Variants in RBFOX3 observed in about 807,000 individuals in gnomAD.
RBFOX3 encodes the protein RNA binding fox-1 homolog 3.
In RBFOX3, 17 loss-of-function variants were observed where a neutral mutation model predicts 48.7. The ratio of observed to expected loss-of-function variants is 0.35; its 90% CI spans 0.24 to 0.52. RBFOX3 has a LOEUF of 0.52. Ranked by LOEUF, RBFOX3 falls within the 20% of genes least tolerant of loss-of-function variation. The pLI is 0.94. For missense variants in RBFOX3, 382 were observed against 497.5 expected (o/e 0.77, Z 2.21); for synonymous variants, 212 against 209.5 (o/e 1.01, Z -0.10).
the RBFOX3 span, among the ~76,000 whole-genome samples, chr17:79,620,204 C>G: frequency 1.2e-3 from 174 of 148,756 alleles, 2 homozygotes; most frequent in African/African-American, 3.8e-3. Flanking sequence ...CACACACGTG[C>G]ACATGCACAC....
intron 9 of RBFOX3, chr17:79,100,514 G>T (rs991372392): frequency 6.6e-6 from 1 of 152,224 alleles, no homozygotes; most frequent in African/African-American, 2.4e-5. Context: ...AAGAGCTCGG[G>T]GGAGAGGTGG....
At chr17:79,449,622 A>AACACACACACACACACACAC (rs57480439) in intron 2 of RBFOX3, among the ~76,000 whole-genome samples, 7,174 of 144,508 alleles carry the variant, frequency 0.05, 240 homozygotes, top group South Asian at 0.079. Context: ...TGCACACATA[A>AACACACACACACACACACAC]ACACACACAC....
chr17:79,317,074 G>T (rs1293394189), intron 2 of RBFOX3, among the ~76,000 whole-genome samples: 1 of 152,130 alleles, frequency 6.6e-6, no homozygotes, highest in Admixed American at 6.5e-5. Flanking sequence ...AGACCGACAA[G>T]GAGCTGGCAT....
intron 3 of RBFOX3, among the ~76,000 whole-genome samples, chr17:79,246,103 C>G (rs578043915): frequency 6.6e-6 from 1 of 152,254 alleles, no homozygotes; most frequent in South Asian, 2.1e-4. Context: ...CTTCCATTGT[C>G]TGACCTTGAC....
At chr17:79,271,870 TC>T (rs1431149933) in intron 3 of RBFOX3, among the ~76,000 whole-genome samples, 1 of 152,162 alleles carries the variant, frequency 6.6e-6, no homozygotes, top group Non-Finnish European at 1.5e-5. Context: ...CCCCGGGGGC[TC>T]CCCATGGCTC....
intron 2 of RBFOX3, among the ~76,000 whole-genome samples, chr17:79,426,911 T>A (rs1962341): frequency 0.027 from 4,093 of 151,970 alleles, 196 homozygotes; most frequent in African/African-American, 0.093. Flanking sequence ...ATCATGTTGG[T>A]CAGGCTGGTC....
intron 13 of RBFOX3, among the ~76,000 whole-genome samples, chr17:79,095,079 G>A (rs908154664): frequency 9.9e-5 from 15 of 152,148 alleles, no homozygotes; most frequent in Admixed American, 3.3e-4. Context: ...TGGAGCCGGG[G>A]CTGCCAGGAG....
intron 1 of RBFOX3, among the ~76,000 whole-genome samples, chr17:79,571,077 G>A (rs879163714): frequency 0.034 from 5,172 of 152,232 alleles, 149 homozygotes; most frequent in East Asian, 0.16. Context: ...CCAGTTCCAC[G>A]TCCCCGGCCC....
At chr17:79,412,261 GTGTA>G (rs1027785864) in intron 2 of RBFOX3, among the ~76,000 whole-genome samples, 49 of 150,728 alleles carry the variant, frequency 3.3e-4, no homozygotes, top group African/African-American at 1.1e-3. Flanking sequence ...TGTATGGTGT[GTGTA>G]TGGTATGTGT....
At chr17:79,236,558 TTTATG>T (rs1287705392) in intron 3 of RBFOX3, among the ~76,000 whole-genome samples, 1 of 152,172 alleles carries the variant, frequency 6.6e-6, no homozygotes, top group African/African-American at 2.4e-5. Flanking sequence ...GCACATTCAT[TTTATG>T]TTATTAAAGA....
Position 79,294,960 on chromosome 17 carries a change from G to A in RBFOX3, c.-74+12764C>T, listed in dbSNP as rs144926595. 6.3e-3 allele frequency among the ~76,000 whole-genome samples: 956 copies of A among 152,304 alleles called. 7 individuals carry two copies. The highest frequency in any genetic ancestry group is 0.022 in the African/African-American group (907 of 41,576). On this transcript the variant is annotated intron_variant, in intron 3 of 14. Transcript: ENST00000693108. ...AGGAAGAGATTCTCTTTTGGGGGTG[G>A]GTGAGACCTTGTTATGGAAGAGAAC... is the stretch of plus-strand genomic sequence containing the variant.
chr17:79,092,113 G>A, intron 14 of RBFOX3: 1 of 985,530 alleles, frequency 1.0e-6, no homozygotes, highest in African/African-American at 1.7e-5. Context: ...TCAGGGTGCT[G>A]GACACTAGGG....
chr17:79,223,765 C>T (rs151117527), intron 4 of RBFOX3, among the ~76,000 whole-genome samples: 3 of 152,298 alleles, frequency 2.0e-5, no homozygotes, highest in East Asian at 1.9e-4. Flanking sequence ...CCTGGGCCGT[C>T]GACACATTCC....
At position 79,101,613 on chromosome 17, in the gene RBFOX3, T is replaced by A; in HGVS notation, c.539A>T (p.Asn180Ile). 6.4e-7 allele frequency: 1 copy of A among 1,551,270 alleles called. No homozygotes were observed. Among genetic ancestry groups the A allele is most frequent in the Non-Finnish European group, 8.7e-7 (1 of 1,146,924 alleles). Residue 180 changes from asparagine (N) to isoleucine (I), a missense_variant, in exon 9 of 15, where the codon AAC becomes ATC. Coordinates refer to ENST00000693108, the MANE Select transcript of RBFOX3 (RefSeq NM_001350451.2). ...GGTGTAGGGGTTCCCCGTCTTCTTG[T>A]TGGTCATCACTCGGGCCGTGGCATT... ...VNNATARVMT[N>I]KKTGNPYTNG...
Position 79,391,993 on chromosome 17 carries a change from G to A in RBFOX3, c.-174-84169C>T, listed in dbSNP as rs929126903. Among the ~76,000 whole-genome samples the A allele has an allele frequency of 2.6e-5, 4 of 152,158 alleles. No individual in the cohort carries two copies. The highest frequency in any genetic ancestry group is 7.2e-5 in the African/African-American group (3 of 41,424). ...AGGAAACTTGTATGGCAACGCTCCCGCCAGGGCCCCGCGATGGTCAGGCTT... is the reference window on the plus strand; with the variant it reads ...AGGAAACTTGTATGGCAACGCTCCCACCAGGGCCCCGCGATGGTCAGGCTT... On this transcript the variant is annotated intron_variant, in intron 2 of 14. Transcript: ENST00000693108. The surrounding 1 kb of genome is among the most constrained non-coding windows in gnomAD (Gnocchi z 5.0).
intron 13 of RBFOX3, 81 bp from the exon 14 acceptor site, chr17:79,094,610 C>T: frequency 1.2e-6 from 1 of 868,506 alleles, no homozygotes; most frequent in South Asian, 2.1e-5. Flanking sequence ...CTCCCACCTC[C>T]TCCCAGACAC....
Position 79,570,025 on chromosome 17 carries a change from T to C in RBFOX3, c.-320+40801A>G, listed in dbSNP as rs1021109994. ...AGATGAGTTATAGATGGATGGTATA[T>C]GAACAGATGAATTATGGATGGATGG... On this transcript the variant is annotated intron_variant, in intron 1 of 14. Coordinates refer to ENST00000693108, the MANE Select transcript of RBFOX3 (RefSeq NM_001350451.2). Among the ~76,000 whole-genome samples, 11 of 150,266 alleles carry C rather than the reference T, an allele frequency of 7.3e-5. No individual in the cohort carries two copies. In the East Asian group the frequency reaches 2.2e-3, roughly 31 times the overall value.
the RBFOX3 span, among the ~76,000 whole-genome samples, chr17:79,636,174 A>T: frequency 6.6e-6 from 1 of 152,202 alleles, no homozygotes; most frequent in Non-Finnish European, 1.5e-5. Flanking sequence ...AAAGTGAGAT[A>T]GAGCTATATG....
chr17:79,441,392 T>C (rs11654875), intron 2 of RBFOX3, among the ~76,000 whole-genome samples: 60,365 of 151,994 alleles, frequency 0.4, 12,305 homozygotes, highest in Middle Eastern at 0.47. Context: ...CAGATAGAGA[T>C]GAGGCCATCC....
Sources: allele counts gnomAD v4.1 joint callset (sites outside exome capture counted in the v4.1 genomes callset), GRCh38; gene constraint gnomAD v4.1.1; non-coding constraint Gnocchi (gnomAD v3.1); transcripts MANE v1.5; gene names NCBI Gene and HGNC (gene_info 2026-07-23, HGNC 2026-07-21).